The following TENM2 variants were observed in gnomAD, a reference collection of about 807,000 sequenced individuals.
TENM2 encodes the protein teneurin transmembrane protein 2, also known as teneurin-2.
TENM2 carries 52 observed loss-of-function variants against 245.2 expected under a neutral mutation model. The ratio of observed to expected loss-of-function variants is 0.21; its 90% CI spans 0.17 to 0.27. The LOEUF (loss-of-function observed/expected upper bound fraction) is 0.27, where lower values mean the gene tolerates loss of function less well. TENM2 is among the 10% of genes least tolerant of loss of function. The pLI is 1.00. For synonymous variants in TENM2, 1,363 were observed against 1,438.9 expected (o/e 0.95, Z 1.19); for missense variants, 3,046 against 3,666.8 (o/e 0.83, Z 4.37).
intron 23 of TENM2, 116 bp from the exon 26 acceptor site, chr5:168,225,972 C>A: frequency 4.4e-6 from 4 of 918,268 alleles, no homozygotes; most frequent in East Asian, 5.4e-5. Flanking sequence ...GTGAGATGCG[C>A]CACCCAGCCA....
intron 2 of TENM2, among the ~76,000 whole-genome samples, chr5:167,439,682 G>C (rs1476142128): frequency 6.6e-6 from 1 of 152,052 alleles, no homozygotes; most frequent in African/African-American, 2.4e-5. Flanking sequence ...TTACATAATA[G>C]ATTGGCATGT....
chr5:167,519,338 G>A (rs894465950), intron 2 of TENM2, among the ~76,000 whole-genome samples: 4 of 151,950 alleles, frequency 2.6e-5, no homozygotes, highest in African/African-American at 4.8e-5. Context: ...TGTGTCGACC[G>A]GTTGATCAAT....
chr5:168,043,031 T>A (rs1049550944), intron 5 of TENM2, among the ~76,000 whole-genome samples: 1 of 152,146 alleles, frequency 6.6e-6, no homozygotes, highest in Non-Finnish European at 1.5e-5. Flanking sequence ...GGAGGAATGT[T>A]AGGGAGAGGG....
chr5:168,246,147 C>T (rs759928103), intron 26 of TENM2, among the ~76,000 whole-genome samples: 5 of 150,942 alleles, frequency 3.3e-5, no homozygotes, highest in Non-Finnish European at 4.4e-5. Context: ...ACAGGAGAAT[C>T]GCTTGAACCC....
At chr5:167,897,927 G>A (rs1775358281) in intron 3 of TENM2, among the ~76,000 whole-genome samples, 3 of 144,308 alleles carry the variant, frequency 2.1e-5, no homozygotes, top group South Asian at 2.2e-4. Context: ...GCTGGGCACC[G>A]GGTACTACCT....
At chr5:167,344,538 G>C (rs1758345114) in intron 1 of TENM2, among the ~76,000 whole-genome samples, 1 of 152,020 alleles carries the variant, frequency 6.6e-6, no homozygotes, top group Admixed American at 6.6e-5. Context: ...TAACTAGGCT[G>C]CTTTTGATGA....
intron 2 of TENM2, among the ~76,000 whole-genome samples, chr5:167,439,777 G>T (rs376531133): frequency 2.6e-5 from 4 of 152,106 alleles, no homozygotes; most frequent in Admixed American, 2.0e-4. Context: ...AAGCCAGGAA[G>T]AATTCTATGG....
chr5:167,441,636 T>C (rs1421219623), intron 2 of TENM2, among the ~76,000 whole-genome samples: 1 of 152,216 alleles, frequency 6.6e-6, no homozygotes, highest in Admixed American at 6.5e-5. Context: ...TTGCTGTTGC[T>C]GATATGTAGT....
At chr5:167,655,447 C>T (rs1216844329) in intron 2 of TENM2, among the ~76,000 whole-genome samples, 4 of 152,190 alleles carry the variant, frequency 2.6e-5, no homozygotes, top group Non-Finnish European at 5.9e-5. Flanking sequence ...GATTGAAAGT[C>T]CTACCAACAC....
At chr5:167,638,228 T>A (rs1227117968) in intron 2 of TENM2, among the ~76,000 whole-genome samples, 1 of 152,082 alleles carries the variant, frequency 6.6e-6, no homozygotes, top group Non-Finnish European at 1.5e-5. Flanking sequence ...ACTCTCAAGT[T>A]ATTATTTTCT....
chr5:167,791,240 A>C (rs4270713), intron 2 of TENM2, among the ~76,000 whole-genome samples: 66,209 of 151,422 alleles, frequency 0.44, 16,804 homozygotes, highest in East Asian at 0.75. Flanking sequence ...TCTCTCATAC[A>C]TTGTAAACTC....
At chr5:167,634,317 T>C (rs1036458348) in intron 2 of TENM2, among the ~76,000 whole-genome samples, 4 of 152,208 alleles carry the variant, frequency 2.6e-5, no homozygotes, top group African/African-American at 9.6e-5. Flanking sequence ...GTAAGTTCAA[T>C]TGTAAAATTC....
At chr5:168,202,491 AT>A (rs1762016979) in intron 17 of TENM2, among the ~76,000 whole-genome samples, 1 of 149,778 alleles carries the variant, frequency 6.7e-6, no homozygotes, top group Admixed American at 6.7e-5. Flanking sequence ...ACCCTAATAG[AT>A]TTTGATTCCT....
intron 2 of TENM2, among the ~76,000 whole-genome samples, chr5:167,687,394 A>G (rs1757143505): frequency 6.6e-6 from 1 of 152,188 alleles, no homozygotes; most frequent in African/African-American, 2.4e-5. Flanking sequence ...AGCTGGCTGA[A>G]TTTTCATCAT....
the TENM2 span, among the ~76,000 whole-genome samples, chr5:167,245,620 T>C: frequency 1.3e-5 from 2 of 152,218 alleles, no homozygotes; most frequent in African/African-American, 2.4e-5. Flanking sequence ...AACCTGATTA[T>C]TGAGTATAGG....
intron 3 of TENM2, among the ~76,000 whole-genome samples, chr5:167,929,707 GAA>G (rs1778138023): frequency 3.3e-5 from 5 of 152,154 alleles, no homozygotes; most frequent in Admixed American, 2.6e-4. Flanking sequence ...CTCTGGACCT[GAA>G]GGACTCTAAG....
At chr5:168,191,824 G>A (rs376324642) in intron 14 of TENM2, among the ~76,000 whole-genome samples, 91 of 152,136 alleles carry the variant, frequency 6.0e-4, no homozygotes, top group African/African-American at 2.0e-3. Flanking sequence ...ACAGCCCAGC[G>A]AGGGTGGGAT....
chr5:167,775,155 A>G (rs960650054), intron 2 of TENM2, among the ~76,000 whole-genome samples: 1 of 152,008 alleles, frequency 6.6e-6, no homozygotes, highest in African/African-American at 2.4e-5. Flanking sequence ...TTTAGTAGAG[A>G]CGGGGTTTCT....
At chr5:167,546,980 A>G (rs1462306489) in intron 2 of TENM2, among the ~76,000 whole-genome samples, 1 of 152,162 alleles carries the variant, frequency 6.6e-6, no homozygotes, top group Non-Finnish European at 1.5e-5. Context: ...GCCTGCAATG[A>G]TACATTCCTA....
Sources: allele counts gnomAD v4.1 joint callset (sites outside exome capture counted in the v4.1 genomes callset), GRCh38; gene constraint gnomAD v4.1.1; transcripts MANE v1.5; gene names NCBI Gene and HGNC (gene_info 2026-07-23, HGNC 2026-07-21).